Variants in VPS13B observed in about 807,000 individuals in gnomAD.
VPS13B encodes the protein vacuolar protein sorting 13 homolog B.
VPS13B carries 285 observed loss-of-function variants against 426.4 expected under a neutral mutation model. The observed-to-expected ratio is 0.67, with a 90% confidence interval of 0.61 to 0.74. The LOEUF is 0.74. Ranked by LOEUF, VPS13B falls within the 30% of genes least tolerant of loss-of-function variation. The pLI, the probability that VPS13B is intolerant of heterozygous loss-of-function variation, is 0.00. For missense variants in VPS13B, 4,537 were observed against 4,782.6 expected (o/e 0.95, Z 1.51); for synonymous variants, 1,676 against 1,676.4 (o/e 1.00, Z 0.01).
chr8:99,201,516 G>A (rs1238658711), intron 17 of VPS13B, among the ~76,000 whole-genome samples: 2 of 152,096 alleles, frequency 1.3e-5, no homozygotes, highest in Non-Finnish European at 2.9e-5. Context: ...ATATCCAAAA[G>A]TAAGAGATAA....
In VPS13B at chr8:99,515,216, T is replaced by C. The variant is rs181014120; in HGVS notation, c.4633+3704T>C. Reference sequence around the variant, plus strand: ...GCTTTTTTAGTTTGTTTATATGTTTTTGTTTTGGGCTTATTGTGTTATAAA... The same window carrying C: ...GCTTTTTTAGTTTGTTTATATGTTTCTGTTTTGGGCTTATTGTGTTATAAA... On this transcript the variant is annotated intron_variant, in intron 29 of 61. Coordinates refer to ENST00000357162, the MANE Select transcript of VPS13B (RefSeq NM_152564.5). Among the ~76,000 whole-genome samples the C allele has an allele frequency of 7.9e-5, 12 of 152,396 alleles. No homozygotes were observed. The East Asian group carries it at 2.3e-3, about 29-fold the overall frequency.
intron 40 of VPS13B, among the ~76,000 whole-genome samples, chr8:99,772,030 T>C (rs539541597): frequency 6.6e-6 from 1 of 152,244 alleles, no homozygotes; most frequent in African/African-American, 2.4e-5. Context: ...TAGGTGGTGA[T>C]TGAACTCTGT....
intron 33 of VPS13B, among the ~76,000 whole-genome samples, chr8:99,630,492 C>CT (rs1434059866): frequency 6.6e-6 from 1 of 151,980 alleles, no homozygotes; most frequent in Admixed American, 6.6e-5. Context: ...AGAAGGTAGG[C>CT]TCCAATTTTA....
chr8:99,352,494 A>G (rs751370274), intron 19 of VPS13B, among the ~76,000 whole-genome samples: 10 of 152,232 alleles, frequency 6.6e-5, no homozygotes, highest in Admixed American at 2.6e-4. Context: ...AAGATGAAAG[A>G]AAAATGTATA....
At chr8:99,633,732 A>G (rs956402984) in intron 33 of VPS13B, among the ~76,000 whole-genome samples, 1 of 151,540 alleles carries the variant, frequency 6.6e-6, no homozygotes, top group Non-Finnish European at 1.5e-5. Context: ...CATCATGGCC[A>G]TTTCAAAGCA....
At chr8:99,582,856 C>T (rs572209528) in intron 33 of VPS13B, among the ~76,000 whole-genome samples, 2 of 152,248 alleles carry the variant, frequency 1.3e-5, no homozygotes, top group South Asian at 2.1e-4. Context: ...GGGGTTTCAC[C>T]GTGTTAGCCA....
intron 36 of VPS13B, among the ~76,000 whole-genome samples, chr8:99,714,138 C>CAAA (rs1166159886): frequency 1.5e-4 from 10 of 65,118 alleles, no homozygotes; most frequent in Admixed American, 6.8e-4. Context: ...GACTCTGTCT[C>CAAA]AAAAAAAAAA....
intron 58 of VPS13B, among the ~76,000 whole-genome samples, chr8:99,866,792 A>G (rs1227342017): frequency 6.6e-6 from 1 of 152,212 alleles, no homozygotes; most frequent in East Asian, 1.9e-4. Context: ...TGTGGCCACT[A>G]TGACTTCTGA....
chr8:99,476,601 T>A (rs1819703176), intron 24 of VPS13B, among the ~76,000 whole-genome samples: 1 of 152,116 alleles, frequency 6.6e-6, no homozygotes, highest in East Asian at 1.9e-4. Flanking sequence ...ATACCTTACG[T>A]TCAGGGGAAC....
intron 39 of VPS13B, among the ~76,000 whole-genome samples, chr8:99,739,966 G>C (rs527984418): frequency 1.3e-5 from 2 of 152,364 alleles, no homozygotes; most frequent in Admixed American, 6.5e-5. Context: ...AACAAAGCTA[G>C]ATGGAGAATG....
At chr8:99,251,150 T>G (rs987468807) in intron 17 of VPS13B, among the ~76,000 whole-genome samples, 15 of 152,178 alleles carry the variant, frequency 9.9e-5, no homozygotes, top group Non-Finnish European at 1.8e-4. Flanking sequence ...TTCCCATCTG[T>G]ATACCTTTTA....
rs558019703 is a variant in VPS13B at position 99,428,729 on chromosome 8, C to A, written c.3083-2808C>A. 7.2e-5 allele frequency among the ~76,000 whole-genome samples: 11 copies of A among 152,262 alleles called. No individual in the cohort carries two copies. In the South Asian group the frequency reaches 2.3e-3, roughly 32 times the overall value. On this transcript the variant is annotated intron_variant, in intron 21 of 61. Coordinates refer to ENST00000357162, the MANE Select transcript of VPS13B (RefSeq NM_152564.5). ...ATTGTGGAAGTCAGTGTGGTGATTC[C>A]TCAGGGATCAAGAACTAGAAATACC...
At chr8:99,125,174 C>T (rs544734563) in intron 8 of VPS13B, among the ~76,000 whole-genome samples, 1 of 152,260 alleles carries the variant, frequency 6.6e-6, no homozygotes, top group Non-Finnish European at 1.5e-5. Context: ...CCCAAAACCT[C>T]AAAAGCAGGG....
At chr8:99,133,203 G>A (rs1236892242) in intron 8 of VPS13B, among the ~76,000 whole-genome samples, 8 of 152,166 alleles carry the variant, frequency 5.3e-5, no homozygotes, top group Admixed American at 3.9e-4. Flanking sequence ...CAGCTTCTAC[G>A]TCAACCCTTG....
chr8:99,698,726 ATG>A (rs1320421829), intron 35 of VPS13B, among the ~76,000 whole-genome samples: 1 of 152,026 alleles, frequency 6.6e-6, no homozygotes, highest in East Asian at 1.9e-4. Context: ...GGTTTTAAAG[ATG>A]TGTGACATGC....
chr8:99,313,883 C>A (rs117757262), intron 19 of VPS13B, among the ~76,000 whole-genome samples: 5 of 152,136 alleles, frequency 3.3e-5, no homozygotes, highest in Non-Finnish European at 4.4e-5. Context: ...GCCCCTCCCC[C>A]ACCCTTGCTG....
At chr8:99,069,742 T>C (rs1844757125) in intron 3 of VPS13B, among the ~76,000 whole-genome samples, 1 of 152,148 alleles carries the variant, frequency 6.6e-6, no homozygotes, top group Non-Finnish European at 1.5e-5. Context: ...TTATATTCAG[T>C]GTGTTGAACT....
Position 99,853,619 on chromosome 8 carries a change from T to C in VPS13B, c.10230T>C (p.Pro3410=). 1 of 1,614,202 alleles carries C rather than the reference T, an allele frequency of 6.2e-7. No individual in the cohort carries two copies. Among genetic ancestry groups the C allele is most frequent in the Non-Finnish European group, 8.5e-7 (1 of 1,180,030 alleles). ...CTGGTCCCCTCCCTGGGGAAGAGCCTGTGGCTGCGTTGTTTGAACTTTACT... is the reference window on the plus strand; with the variant it reads ...CTGGTCCCCTCCCTGGGGAAGAGCCCGTGGCTGCGTTGTTTGAACTTTACT... The part of the protein sequence containing the change: ...PGAGPLPGEE[P]VAALFELYCV... The change falls in exon 56 of 62, where the codon CCT becomes CCC. Residue 3410 remains proline, a synonymous_variant. Coordinates refer to ENST00000357162, the MANE Select transcript of VPS13B (RefSeq NM_152564.5).
chr8:99,102,595 A>G (rs1306736223), intron 4 of VPS13B, among the ~76,000 whole-genome samples: 2 of 152,198 alleles, frequency 1.3e-5, no homozygotes, highest in African/African-American at 4.8e-5. Context: ...TTCATTTTGG[A>G]AAATGTTTAT....
Sources: allele counts gnomAD v4.1 joint callset (sites outside exome capture counted in the v4.1 genomes callset), GRCh38; gene constraint gnomAD v4.1.1; transcripts MANE v1.5; gene names NCBI Gene and HGNC (gene_info 2026-07-23, HGNC 2026-07-21).